Variants in PYY observed in about 807,000 individuals in gnomAD.
PYY encodes the protein peptide tyrosine tyrosine.
PYY carries 12 observed loss-of-function variants against 10.3 expected under a neutral mutation model. That is an observed-to-expected ratio of 1.17 (90% CI 0.75 to 1.89). The LOEUF (loss-of-function observed/expected upper bound fraction) is 1.89, where lower values mean the gene tolerates loss of function less well. PYY is among the 40% of genes most tolerant of loss of function. PYY has a pLI of 0.00. For missense variants in PYY, 141 were observed against 134.0 expected, an observed-to-expected ratio of 1.05 and a Z score of -0.26; for synonymous variants, 66 against 62.0, an observed-to-expected ratio of 1.06 and a Z score of -0.30.
chr17:43,962,064 C>G (rs909437827), intron 2 of PYY, among the ~76,000 whole-genome samples: 3 of 152,142 alleles, frequency 2.0e-5, no homozygotes, highest in African/African-American at 7.2e-5. Context: ...CCTATTTTCC[C>G]CTTCTTCTCT....
At chr17:43,982,075 C>T (rs576917493) in intron 1 of PYY, among the ~76,000 whole-genome samples, 1 of 152,340 alleles carries the variant, frequency 6.6e-6, no homozygotes, top group Non-Finnish European at 1.5e-5. Flanking sequence ...ATTGCCTCTT[C>T]ATGGACAACT....
At chr17:44,001,649 G>A (rs1364358768) in intron 1 of PYY, among the ~76,000 whole-genome samples, 2 of 152,192 alleles carry the variant, frequency 1.3e-5, no homozygotes, top group Non-Finnish European at 1.5e-5. Context: ...GGCCCTCTGG[G>A]ATGAAGCCCA....
chr17:43,961,233 AAAAC>A (rs977541326), intron 2 of PYY, among the ~76,000 whole-genome samples: 63 of 151,918 alleles, frequency 4.1e-4, no homozygotes, highest in African/African-American at 5.6e-4. Flanking sequence ...CTCAAAAAAA[AAAAC>A]AAACAAGCAA....
intron 1 of PYY, among the ~76,000 whole-genome samples, chr17:43,968,540 G>T (rs572511675): frequency 2.0e-5 from 3 of 152,160 alleles, no homozygotes; most frequent in Non-Finnish European, 4.4e-5. Context: ...GGCCAGGCGC[G>T]GTGGCTCATG....
intron 1 of PYY, among the ~76,000 whole-genome samples, chr17:43,985,200 ATTTTTTAT>A (rs1567935002): frequency 6.6e-6 from 1 of 152,102 alleles, no homozygotes; most frequent in Non-Finnish European, 1.5e-5. Context: ...ACTTGTTTTC[ATTTTTTAT>A]TTTTTTATTT....
chr17:43,980,321 G>A (rs535857341), intron 1 of PYY, among the ~76,000 whole-genome samples: 39 of 151,204 alleles, frequency 2.6e-4, no homozygotes, highest in Middle Eastern at 3.4e-3. Context: ...GCGCCACCAT[G>A]CCCGGCTAAT....
chr17:43,996,327 T>C (rs1027537397), intron 1 of PYY, among the ~76,000 whole-genome samples: 2 of 152,182 alleles, frequency 1.3e-5, no homozygotes, highest in Non-Finnish European at 2.9e-5. Flanking sequence ...CCACCCTTGC[T>C]GTCCCAGCTC....
chr17:43,989,419 T>C (rs1216919251), intron 1 of PYY, among the ~76,000 whole-genome samples: 1 of 151,710 alleles, frequency 6.6e-6, no homozygotes, highest in Non-Finnish European at 1.5e-5. Context: ...AACATAAAAT[T>C]TGCCATCTTA....
At chr17:43,969,515 C>CAAAA (rs71361552) in intron 1 of PYY, among the ~76,000 whole-genome samples, 49 of 90,272 alleles carry the variant, frequency 5.4e-4, no homozygotes, top group East Asian at 9.5e-4. Context: ...GACTCTGTCT[C>CAAAA]AAAAAAAAAA....
rs892558855 is a variant in PYY, at chr17:43,952,811, G to A, written c.*145C>T. On this transcript the variant is annotated 3_prime_UTR_variant, in exon 4 of 4. Coordinates refer to ENST00000692052, the MANE Select transcript of PYY (RefSeq NM_001394028.1). ...CAGCCCTCCAGCCCAGGGGGCGGGG[G>A]CACCGAGACGCGGGCGGAGGGCCGC... is the stretch of plus-strand genomic sequence containing the variant. 3.6e-5 allele frequency: 30 copies of A among 829,378 alleles called. No individual in the cohort carries two copies. Among genetic ancestry groups the A allele is most frequent in the Non-Finnish European group, 1.8e-5 (10 of 544,242 alleles). The allele number at this position is 829,378 out of a possible 1,614,324, so 51.4% of individuals were successfully genotyped here.
chr17:43,963,590 G>GAAAAGA (rs747666011), intron 2 of PYY, among the ~76,000 whole-genome samples: 5 of 64,706 alleles, frequency 7.7e-5, no homozygotes, highest in African/African-American at 2.0e-4. Flanking sequence ...AAGAAAGAAA[G>GAAAAGA]AAAGAAAGAA....
chr17:43,980,156 C>CTCTTTTTTTTTTTTTTTT (rs2048872976), intron 1 of PYY, among the ~76,000 whole-genome samples: 1 of 100,618 alleles, frequency 9.9e-6, no homozygotes, highest in African/African-American at 3.7e-5. Flanking sequence ...TCCCCTCCAC[C>CTCTTTTTTTTTTTTTTTT]TTTTTTTTTT....
chr17:43,982,256 A>C (rs1191121086), intron 1 of PYY, among the ~76,000 whole-genome samples: 1 of 152,214 alleles, frequency 6.6e-6, no homozygotes, highest in East Asian at 1.9e-4. Context: ...CCCATCTCTG[A>C]GAGTGTCAGG....
Position 43,995,791 on chromosome 17 carries a change from G to A in PYY, c.-463+8600C>T, listed in dbSNP as rs550385233. On this transcript the variant is annotated intron_variant, in intron 1 of 6. Coordinates refer to the PYY transcript ENST00000360085. ...AGAGGTTGCGGTGAGCTGAGATCCAGCCACTGCACTCCAGCCTGGGTGACA... is the reference window on the plus strand; with the variant it reads ...AGAGGTTGCGGTGAGCTGAGATCCAACCACTGCACTCCAGCCTGGGTGACA... 2.1e-5 allele frequency among the ~76,000 whole-genome samples: 3 copies of A among 142,148 alleles called. No homozygotes were observed. The East Asian group carries it at 6.9e-4, about 33-fold the overall frequency. The allele number at this position is 142,148 out of a possible 152,430, so 93.3% of individuals were successfully genotyped here. A position where few individuals can be genotyped will look rare whatever the true frequency, so the allele number is the denominator to read the frequency against.
intron 2 of PYY, 33 bp from the exon 3 acceptor site, chr17:43,953,222 TCTGGCCACG>T: frequency 6.2e-7 from 1 of 1,600,258 alleles, no homozygotes; most frequent in Non-Finnish European, 8.5e-7. Flanking sequence ...CGTGGTCAGA[TCTGGCCACG>T]CCCCCAGGTG....
chr17:43,993,105 G>A (rs2048968755), intron 1 of PYY, among the ~76,000 whole-genome samples: 1 of 152,138 alleles, frequency 6.6e-6, no homozygotes, highest in Admixed American at 6.5e-5. Flanking sequence ...CTTGAGCCCA[G>A]GAATTTGAGA....
intron 1 of PYY, among the ~76,000 whole-genome samples, chr17:44,001,965 G>C (rs1489706391): frequency 6.6e-6 from 1 of 152,184 alleles, no homozygotes; most frequent in Non-Finnish European, 1.5e-5. Flanking sequence ...GCCCCTGGAG[G>C]CTAAGACCTC....
intron 2 of PYY, among the ~76,000 whole-genome samples, chr17:43,963,607 AAAG>A (rs2048731981): frequency 1.1e-5 from 1 of 91,304 alleles, no homozygotes; most frequent in Non-Finnish European, 2.8e-5. Flanking sequence ...AGAAAGAAAG[AAAG>A]AAAGAAAGAA....
At chr17:43,954,011 G>A (rs2048655353), upstream of PYY, 1 of 153,676 alleles carries the variant, frequency 6.5e-6, no homozygotes, top group Admixed American at 6.5e-5. Context: ...GGGAGGGGGA[G>A]CCAGCAGGGG....
Sources: gnomAD v4.1 joint callset for allele counts (sites outside exome capture counted in the v4.1 genomes callset) on GRCh38, gnomAD v4.1.1 for gene constraint, MANE v1.5 for transcripts, NCBI Gene and HGNC (gene_info 2026-07-23, HGNC 2026-07-21) for gene names.